CPPED1: variants seen among roughly 807,000 people sequenced by gnomAD.
CPPED1 encodes the protein calcineurin like phosphoesterase domain containing 1, also known as serine/threonine-protein phosphatase CPPED1.
Under a neutral mutation model 28.0 loss-of-function variants are expected in CPPED1, and 28 were observed. That is an observed-to-expected ratio of 1.00 (90% CI 0.74 to 1.37). The LOEUF (loss-of-function observed/expected upper bound fraction) is 1.37, where lower values mean the gene tolerates loss of function less well. Among genes scored for constraint, CPPED1 ranks in the 40% most tolerant of loss-of-function variants. The pLI is 0.00. For synonymous variants in CPPED1, 198 were observed against 180.2 expected, an observed-to-expected ratio of 1.10 and a Z score of -0.79; for missense variants, 504 against 416.5, an observed-to-expected ratio of 1.21 and a Z score of -1.83.
intron 2 of CPPED1, 94 bp downstream of exon 2, chr16:12,781,091 G>C (rs2141238677): frequency 9.3e-7 from 1 of 1,076,288 alleles, no homozygotes; most frequent in Non-Finnish European, 1.4e-6. Flanking sequence ...ACTGAGCAAA[G>C]ATGCCTTCGA....
rs1346070456 is a variant in CPPED1 at position 12,660,236 on chromosome 16, G to C, written c.*4650C>G. On this transcript the variant is annotated 3_prime_UTR_variant, in exon 4 of 4. Transcript: ENST00000381774. ...AGGCACAGTGGCTCACTCATTCTAAGTGTGCTGCAAAGCCCCTTTAGTGAA... is the reference window on the plus strand; with the variant it reads ...AGGCACAGTGGCTCACTCATTCTAACTGTGCTGCAAAGCCCCTTTAGTGAA... 1 of 152,180 alleles carries C rather than the reference G, an allele frequency of 6.6e-6. No homozygotes were observed. The highest frequency in any genetic ancestry group is 2.4e-5 in the African/African-American group (1 of 41,452). The allele number at this position is 152,180 out of a possible 1,614,324, so 9.4% of individuals were successfully genotyped here.
At chr16:12,723,471 A>C (rs1048123758) in intron 2 of CPPED1, among the ~76,000 whole-genome samples, 12 of 152,174 alleles carry the variant, frequency 7.9e-5, no homozygotes, top group African/African-American at 2.7e-4. Context: ...TTGTTATAAG[A>C]CAAGGGGATT....
intron 3 of CPPED1, among the ~76,000 whole-genome samples, chr16:12,678,831 C>G (rs2079891052): frequency 6.6e-6 from 1 of 152,126 alleles, no homozygotes; most frequent in African/African-American, 2.4e-5. Flanking sequence ...GTATCATCTG[C>G]AAATAGGCCA....
At chr16:12,668,736 C>G (rs1389681699) in intron 3 of CPPED1, among the ~76,000 whole-genome samples, 1 of 152,176 alleles carries the variant, frequency 6.6e-6, no homozygotes, top group Non-Finnish European at 1.5e-5. Context: ...AAAAGATGCT[C>G]AACATCATTT....
chr16:12,691,799 C>T (rs1380788998), intron 3 of CPPED1, among the ~76,000 whole-genome samples: 2 of 88,014 alleles, frequency 2.3e-5, no homozygotes, highest in African/African-American at 6.1e-5. Flanking sequence ...ACATCACACG[C>T]TGGGGACTGT....
In CPPED1 at chr16:12,716,066, C is replaced by T. The variant is rs201052722; in HGVS notation, c.290-11017G>A. On this transcript the variant is annotated intron_variant, in intron 2 of 3. Coordinates refer to ENST00000381774, the MANE Select transcript of CPPED1 (RefSeq NM_018340.3). ...CATGGACTGAACAGAACTATGATAC[C>T]GGGCACAGAAAAGAAGACAACCATC... Among the ~76,000 whole-genome samples, 8 of 152,142 alleles carry T rather than the reference C, an allele frequency of 5.3e-5. No individual in the cohort carries two copies. The East Asian group carries it at 7.7e-4, about 15-fold the overall frequency.
rs1264341241 is a variant in CPPED1 at position 12,660,730 on chromosome 16, T to A, written c.*4156A>T. The A allele has an allele frequency of 6.6e-6, 1 of 152,224 alleles. No homozygotes were observed. Among genetic ancestry groups the A allele is most frequent in the African/African-American group, 2.4e-5 (1 of 41,462 alleles). The allele number at this position is 152,224 out of a possible 1,614,324, so 9.4% of individuals were successfully genotyped here. A position where few individuals can be genotyped will look rare whatever the true frequency, so the allele number is the denominator to read the frequency against. ...TGCCTTGGCAATTTACTCCTAAATC[T>A]TCTTTTTCCTCCAGCTCAATATAAT... On this transcript the variant is annotated 3_prime_UTR_variant, in exon 4 of 4. Transcript: ENST00000381774.
At chr16:12,732,600 T>C (rs1404482824) in intron 2 of CPPED1, among the ~76,000 whole-genome samples, 1 of 151,940 alleles carries the variant, frequency 6.6e-6, no homozygotes, top group Non-Finnish European at 1.5e-5. Context: ...CCAAAGTCCC[T>C]CACAGTATTA....
intron 3 of CPPED1, among the ~76,000 whole-genome samples, chr16:12,666,291 C>T (rs969509877): frequency 6.6e-6 from 1 of 152,100 alleles, no homozygotes; most frequent in South Asian, 2.1e-4. Flanking sequence ...AGGCCAGACA[C>T]AAAACAGAGA....
intron 2 of CPPED1, among the ~76,000 whole-genome samples, chr16:12,765,636 T>C (rs1030265864): frequency 5.9e-5 from 9 of 152,174 alleles, no homozygotes; most frequent in Admixed American, 2.0e-4. Context: ...ACTCAAATAA[T>C]ATATAAAGAA....
intron 2 of CPPED1, among the ~76,000 whole-genome samples, chr16:12,718,157 T>A (rs2080117373): frequency 6.6e-6 from 1 of 152,210 alleles, no homozygotes; most frequent in Non-Finnish European, 1.5e-5. Context: ...AGATACAAGA[T>A]TATGACTTCA....
At chr16:12,784,969 T>C (rs772005199) in intron 1 of CPPED1, among the ~76,000 whole-genome samples, 4 of 152,146 alleles carry the variant, frequency 2.6e-5, no homozygotes, top group African/African-American at 9.6e-5. Flanking sequence ...TGACCTAAAA[T>C]AAACGACAGC....
intron 3 of CPPED1, among the ~76,000 whole-genome samples, chr16:12,686,243 T>TATA (rs1567275586): frequency 2.2e-5 from 2 of 91,596 alleles, no homozygotes; most frequent in East Asian, 2.8e-4. Flanking sequence ...ATATATATAT[T>TATA]TTTTTTTTTG....
At chr16:12,801,480 C>G (rs943544892) in intron 1 of CPPED1, among the ~76,000 whole-genome samples, 1 of 151,878 alleles carries the variant, frequency 6.6e-6, no homozygotes, top group African/African-American at 2.4e-5. Context: ...AGCAGAGTAA[C>G]AGGGAACTCT....
At chr16:12,763,643 G>C (rs992768945) in intron 2 of CPPED1, among the ~76,000 whole-genome samples, 2 of 152,166 alleles carry the variant, frequency 1.3e-5, no homozygotes, top group African/African-American at 4.8e-5. Flanking sequence ...AGGAAATTCA[G>C]CTACAGAGAG....
At chr16:12,669,230 A>G (rs192421234) in intron 3 of CPPED1, among the ~76,000 whole-genome samples, 150 of 152,320 alleles carry the variant, frequency 9.8e-4, no homozygotes, top group Non-Finnish European at 1.5e-3. Context: ...GCCACTTGCA[A>G]AAGGCCCCAT....
intron 2 of CPPED1, among the ~76,000 whole-genome samples, chr16:12,773,288 C>G (rs1021200797): frequency 6.6e-6 from 1 of 152,190 alleles, no homozygotes; most frequent in Non-Finnish European, 1.5e-5. Flanking sequence ...GCAAAACCTA[C>G]AAACTTAAAG....
At chr16:12,717,111 TAA>T (rs1359693213) in intron 2 of CPPED1, among the ~76,000 whole-genome samples, 1 of 151,756 alleles carries the variant, frequency 6.6e-6, no homozygotes, top group Non-Finnish European at 1.5e-5. Context: ...TGGAGAGGTT[TAA>T]AAAAAAGACC....
In CPPED1 at chr16:12,704,712, G is replaced by A. The variant is rs750908927; in HGVS notation, c.627C>T (p.Phe209=). ...CGTCGTCCTCGTCGATGCTCTCCAG[G>A]AACAGCGGGATGTGCTGGAAGACGA... The part of the protein sequence containing the change: ...HAIVFQHIPL[F]LESIDEDDDY... The change falls in exon 3 of 4, where the codon TTC becomes TTT. Residue 209 remains phenylalanine, a synonymous_variant. Transcript: ENST00000381774. 1.2e-6 allele frequency: 2 copies of A among 1,614,214 alleles called. No homozygotes were observed. The highest frequency in any genetic ancestry group is 1.3e-5 in the African/African-American group (1 of 75,056).
Sources: allele counts gnomAD v4.1 joint callset (sites outside exome capture counted in the v4.1 genomes callset), GRCh38; gene constraint gnomAD v4.1.1; transcripts MANE v1.5; gene names NCBI Gene and HGNC (gene_info 2026-07-23, HGNC 2026-07-21).